KATNAL2: variants seen among roughly 807,000 people sequenced by gnomAD.
KATNAL2 encodes the protein katanin catalytic subunit A1 like 2, also known as katanin p60 ATPase-containing subunit A-like 2.
Under a neutral mutation model 76.3 loss-of-function variants are expected in KATNAL2, and 52 were observed. That is an observed-to-expected ratio of 0.68 (90% CI 0.55 to 0.86). The LOEUF is 0.86. Ranked by LOEUF, KATNAL2 falls within the 40% of genes least tolerant of loss-of-function variation. The pLI is 0.00. For missense variants in KATNAL2, 660 were observed against 668.9 expected (o/e 0.99, Z 0.15); for synonymous variants, 243 against 244.2 (o/e 1.00, Z 0.05).
intron 1 of KATNAL2, among the ~76,000 whole-genome samples, chr18:46,926,252 T>C (rs2058725933): frequency 1.3e-5 from 2 of 152,196 alleles, no homozygotes; most frequent in South Asian, 4.2e-4. Flanking sequence ...ACACACTGCT[T>C]TGAATGTGTC....
chr18:47,048,178 A>T (rs553857574), intron 4 of KATNAL2, among the ~76,000 whole-genome samples: 1 of 152,340 alleles, frequency 6.6e-6, no homozygotes, highest in South Asian at 2.1e-4. Context: ...TTGAATGTCA[A>T]CAGTGCCAAG....
intron 3 of KATNAL2, among the ~76,000 whole-genome samples, chr18:46,960,901 T>G (rs577791121): frequency 6.6e-6 from 1 of 152,288 alleles, no homozygotes; most frequent in East Asian, 1.9e-4. Context: ...AGTGGCTTTA[T>G]TTGGCTGGGA....
chr18:46,937,415 AT>A (rs2059125809), intron 1 of KATNAL2, among the ~76,000 whole-genome samples: 1 of 151,852 alleles, frequency 6.6e-6, no homozygotes, highest in South Asian at 2.1e-4. Context: ...ATTTATTTTT[AT>A]TTTTTAATAG....
chr18:47,086,158 C>A (rs2062763634), intron 15 of KATNAL2, among the ~76,000 whole-genome samples: 1 of 152,184 alleles, frequency 6.6e-6, no homozygotes, highest in Non-Finnish European at 1.5e-5. Context: ...GCAGTACTTT[C>A]CACACTTATC....
chr18:47,096,543 T>C (rs756179414), intron 15 of KATNAL2, among the ~76,000 whole-genome samples: 3 of 152,072 alleles, frequency 2.0e-5, no homozygotes, highest in Non-Finnish European at 2.9e-5. Context: ...TCTCACTATG[T>C]TGCCCAGCAT....
intron 3 of KATNAL2, among the ~76,000 whole-genome samples, chr18:46,957,825 G>A (rs1376959759): frequency 1.3e-5 from 2 of 152,088 alleles, no homozygotes; most frequent in Non-Finnish European, 2.9e-5. Flanking sequence ...GCCTCCCAAA[G>A]TGCTGAGAAT....
chr18:47,031,445 G>A (rs916513273), intron 3 of KATNAL2, among the ~76,000 whole-genome samples: 2 of 152,008 alleles, frequency 1.3e-5, no homozygotes, highest in Non-Finnish European at 2.9e-5. Flanking sequence ...GTTGTGGTGG[G>A]GGCGGGGTGT....
intron 3 of KATNAL2, among the ~76,000 whole-genome samples, chr18:46,960,905 G>C (rs955677247): frequency 6.6e-6 from 1 of 152,238 alleles, no homozygotes; most frequent in Non-Finnish European, 1.5e-5. Flanking sequence ...GCTTTATTTG[G>C]CTGGGAGTGT....
At chr18:46,942,887 T>G (rs2059287016) in intron 1 of KATNAL2, among the ~76,000 whole-genome samples, 1 of 152,190 alleles carries the variant, frequency 6.6e-6, no homozygotes, top group African/African-American at 2.4e-5. Context: ...GAATAAGATG[T>G]TGTTGAGTAC....
At chr18:47,068,767 CA>C in intron 11 of KATNAL2, among the ~76,000 whole-genome samples, 1 of 152,174 alleles carries the variant, frequency 6.6e-6, no homozygotes, top group Non-Finnish European at 1.5e-5. Context: ...TCCCAACTTC[CA>C]AAACAAGTTT....
At chr18:47,080,938 A>G (rs1416012276) in intron 15 of KATNAL2, among the ~76,000 whole-genome samples, 1 of 151,964 alleles carries the variant, frequency 6.6e-6, no homozygotes, top group Non-Finnish European at 1.5e-5. Context: ...CCTCTATTGG[A>G]TATATGATTT....
intron 3 of KATNAL2, among the ~76,000 whole-genome samples, chr18:47,031,677 T>C (rs1329567634): frequency 6.6e-6 from 1 of 152,202 alleles, no homozygotes; most frequent in Non-Finnish European, 1.5e-5. Flanking sequence ...GGGATCTTTT[T>C]CATATTGGTC....
Position 47,099,312 on chromosome 18 carries a change from C to T in KATNAL2, c.1281C>T (p.Ala427=), listed in dbSNP as rs1457086111. 1 of 1,614,154 alleles carries T rather than the reference C, an allele frequency of 6.2e-7. No individual in the cohort carries two copies. Among genetic ancestry groups the T allele is most frequent in the Admixed American group, 1.7e-5 (1 of 60,024 alleles). The change falls in exon 16 of 18, where the codon GCC becomes GCT. Residue 427 remains alanine, a synonymous_variant. Transcript: ENST00000683218. ...TGGTCGATCTCCCCAGCCGGGAGGC[C>T]AGGCAGGCCATGATCTACCACTGGC... The part of the protein sequence containing the change: ...RILVDLPSRE[A]RQAMIYHWLP...
At chr18:46,960,427 CAA>C (rs754973661) in intron 3 of KATNAL2, among the ~76,000 whole-genome samples, 2,453 of 140,476 alleles carry the variant, frequency 0.017, 19 homozygotes, top group Non-Finnish European at 0.027. Flanking sequence ...AGCGAAACTT[CAA>C]AAAAAAAAAA....
rs754749037 is a variant in KATNAL2 at position 46,961,791 on chromosome 18, GGCA to G, written c.51+14869_51+14871del. The stretch of plus-strand genomic sequence containing the variant: ...CCAAGGCCAGTCTATTTTGATAAAT[GGCA>G]TTTTTGATTTGGGCTTTCTGCTAGG... On this transcript the variant is annotated intron_variant, in intron 3 of 17. Coordinates refer to ENST00000683218, the MANE Select transcript of KATNAL2 (RefSeq NM_001387690.1). 6.9e-3 allele frequency among the ~76,000 whole-genome samples: 1,036 copies of G among 150,176 alleles called. 7 individuals are homozygous for G. The highest frequency in any genetic ancestry group is 9.4e-3 in the Non-Finnish European group (639 of 68,026).
At chr18:47,031,687 C>T (rs142862528) in intron 3 of KATNAL2, among the ~76,000 whole-genome samples, 2 of 152,064 alleles carry the variant, frequency 1.3e-5, no homozygotes, top group African/African-American at 4.8e-5. Flanking sequence ...TCATATTGGT[C>T]GTCCTGGTCT....
At chr18:46,953,628 G>A (rs751604439) in intron 3 of KATNAL2, among the ~76,000 whole-genome samples, 1 of 152,254 alleles carries the variant, frequency 6.6e-6, no homozygotes, top group Middle Eastern at 3.4e-3. Flanking sequence ...ATGGTGACAA[G>A]TGCTGGTGGT....
chr18:46,955,931 C>T (rs1016909656), intron 3 of KATNAL2, among the ~76,000 whole-genome samples: 2 of 152,088 alleles, frequency 1.3e-5, no homozygotes, highest in Non-Finnish European at 2.9e-5. Flanking sequence ...ATATCAAGAA[C>T]ACTTTTTATT....
At chr18:47,055,125 G>A (rs569113827) in intron 6 of KATNAL2, among the ~76,000 whole-genome samples, 1 of 152,198 alleles carries the variant, frequency 6.6e-6, no homozygotes, top group Admixed American at 6.5e-5. Flanking sequence ...AGTGTCCTTC[G>A]CATTCCTCTC....
Sources: gnomAD v4.1 joint callset for allele counts (sites outside exome capture counted in the v4.1 genomes callset) on GRCh38, gnomAD v4.1.1 for gene constraint, MANE v1.5 for transcripts, NCBI Gene and HGNC (gene_info 2026-07-23, HGNC 2026-07-21) for gene names.